The following METTL15 variants were observed in gnomAD, a reference collection of about 807,000 sequenced individuals.
The protein encoded by METTL15 is 12S rRNA N(4)-cytidine methyltransferase METTL15.
In METTL15, 34 loss-of-function variants were observed where a neutral mutation model predicts 38.3. The observed-to-expected ratio is 0.89, with a 90% CI of 0.68 to 1.18. The LOEUF is 1.18. METTL15 is among the 50% of genes most tolerant of loss of function. METTL15 has a pLI of 0.00. For missense variants in METTL15, 438 were observed against 498.4 expected, an observed-to-expected ratio of 0.88 and a Z score of 1.15; for synonymous variants, 162 against 170.9, an observed-to-expected ratio of 0.95 and a Z score of 0.41.
downstream of METTL15, among the ~76,000 whole-genome samples, chr11:28,531,192 A>G (rs983877823): frequency 2.0e-5 from 3 of 152,066 alleles, no homozygotes; most frequent in Non-Finnish European, 4.4e-5. Flanking sequence ...ATCTGATGCT[A>G]TCACTGCTAT....
intron 3 of METTL15, among the ~76,000 whole-genome samples, chr11:28,178,793 C>T (rs569016145): frequency 6.6e-6 from 1 of 151,332 alleles, no homozygotes; most frequent in Non-Finnish European, 1.5e-5. Context: ...AATATTTTAC[C>T]CAGTTTAAAA....
At chr11:28,315,943 C>T (rs1431124701) in intron 6 of METTL15, among the ~76,000 whole-genome samples, 1 of 152,218 alleles carries the variant, frequency 6.6e-6, no homozygotes, top group Admixed American at 6.5e-5. Context: ...TATGGAAACA[C>T]CTGCATGCCC....
At position 28,184,093 on chromosome 11, in the gene METTL15, C is replaced by G. The variant is rs757366874; in HGVS notation, c.271-26969C>G. Among the ~76,000 whole-genome samples, 4 of 152,048 alleles carry G rather than the reference C, an allele frequency of 2.6e-5. No homozygotes were observed. The South Asian group carries it at 6.2e-4, about 24-fold the overall frequency. On this transcript the variant is annotated intron_variant, in intron 3 of 6. Coordinates refer to ENST00000407364, the MANE Select transcript of METTL15 (RefSeq NM_001113528.2). ...ATGGTAGTTTGTATTTCTGTGGAAT[C>G]AGTGGTGATATCCCTCATATTATTT...
intron 6 of METTL15, among the ~76,000 whole-genome samples, chr11:28,521,644 C>T (rs1024002321): frequency 6.6e-6 from 1 of 152,078 alleles, no homozygotes; most frequent in Non-Finnish European, 1.5e-5. Flanking sequence ...TGGGCTCCCT[C>T]ATGCTCCACT....
intron 5 of METTL15, among the ~76,000 whole-genome samples, chr11:28,384,518 C>G (rs1014082062): frequency 5.9e-5 from 9 of 152,056 alleles, no homozygotes; most frequent in Admixed American, 6.5e-5. Flanking sequence ...CCATGTTGGC[C>G]AGGCTAGTCT....
At chr11:28,516,309 A>G (rs576346110) in intron 6 of METTL15, among the ~76,000 whole-genome samples, 1 of 152,268 alleles carries the variant, frequency 6.6e-6, no homozygotes, top group Non-Finnish European at 1.5e-5. Context: ...TGTTCTGCTT[A>G]AAAGACTTGG....
chr11:28,249,765 G>C (rs1467345772), intron 4 of METTL15, among the ~76,000 whole-genome samples: 1 of 151,734 alleles, frequency 6.6e-6, no homozygotes, highest in African/African-American at 2.4e-5. Context: ...ACACATGCAG[G>C]TTTGTTATAT....
At chr11:28,354,637 A>G (rs546866095) in intron 4 of METTL15, among the ~76,000 whole-genome samples, 1 of 152,260 alleles carries the variant, frequency 6.6e-6, no homozygotes, top group African/African-American at 2.4e-5. Flanking sequence ...ATTGTATCCT[A>G]CTTAGTTCAG....
chr11:28,405,375 T>C (rs890657868), intron 5 of METTL15, among the ~76,000 whole-genome samples: 1 of 152,172 alleles, frequency 6.6e-6, no homozygotes, highest in Non-Finnish European at 1.5e-5. Context: ...ATATGATCAT[T>C]AAACTTATTC....
chr11:28,142,281 C>G (rs972532206), intron 3 of METTL15, among the ~76,000 whole-genome samples: 2 of 152,038 alleles, frequency 1.3e-5, no homozygotes, highest in Non-Finnish European at 2.9e-5. Context: ...AAACAAAGAA[C>G]AAGAAGTGGA....
intron 3 of METTL15, among the ~76,000 whole-genome samples, chr11:28,148,619 A>G (rs1849971060): frequency 1.3e-5 from 2 of 151,956 alleles, no homozygotes; most frequent in South Asian, 4.1e-4. Flanking sequence ...TTACAAGAGA[A>G]CTTGTCTAAG....
chr11:28,140,141 G>A (rs555853090), intron 3 of METTL15, among the ~76,000 whole-genome samples: 41 of 152,318 alleles, frequency 2.7e-4, no homozygotes, highest in Non-Finnish European at 5.4e-4. Context: ...CCTTGGGGTG[G>A]GGGTGTGAGA....
chr11:28,283,053 C>T (rs1436395901), intron 4 of METTL15, among the ~76,000 whole-genome samples: 1 of 152,114 alleles, frequency 6.6e-6, no homozygotes, highest in East Asian at 1.9e-4. Flanking sequence ...GTATTCATTA[C>T]TGTGCTTGAG....
chr11:28,282,505 A>T (rs187829649), intron 4 of METTL15, among the ~76,000 whole-genome samples: 1 of 152,194 alleles, frequency 6.6e-6, no homozygotes, highest in Non-Finnish European at 1.5e-5. Flanking sequence ...TCTTTTCTGT[A>T]TGCATTCCTT....
rs547374488 is a variant in METTL15 at position 28,218,668 on chromosome 11, A to C, written c.407+7470A>C. ...CAAAGGGAATGCTTCCAGTTTTTGC[A>C]CATTCAGTATGATATTGGCTGTGGG... On this transcript the variant is annotated intron_variant, in intron 4 of 6. Transcript: ENST00000407364. Among the ~76,000 whole-genome samples the C allele has an allele frequency of 6.8e-4, 103 of 152,214 alleles. 2 individuals carry two copies. The South Asian group carries it at 9.1e-3, about 13-fold the overall frequency.
chr11:28,208,549 A>T (rs967207949), intron 3 of METTL15, among the ~76,000 whole-genome samples: 1 of 152,044 alleles, frequency 6.6e-6, no homozygotes, highest in African/African-American at 2.4e-5. Flanking sequence ...CAATTTTGGA[A>T]TAGGTGTGGT....
At chr11:28,361,698 A>G (rs1850140478) in intron 4 of METTL15, among the ~76,000 whole-genome samples, 1 of 152,232 alleles carries the variant, frequency 6.6e-6, no homozygotes, top group South Asian at 2.1e-4. Context: ...ACTGCCATTT[A>G]TTTAATAAAT....
chr11:28,525,268 G>C (rs4922806), intron 6 of METTL15, among the ~76,000 whole-genome samples: 68,931 of 151,970 alleles, frequency 0.45, 16,175 homozygotes, highest in Admixed American at 0.54. Flanking sequence ...CTGGCCCCAC[G>C]CACATCCTGC....
intron 3 of METTL15, 48 bp from the exon 4 acceptor site, chr11:28,211,014 A>C: frequency 6.4e-7 from 1 of 1,555,384 alleles, no homozygotes; most frequent in Non-Finnish European, 8.7e-7. Context: ...TGTCAAGAAT[A>C]AGTTTTGTTT....
Sources: gnomAD v4.1 joint callset for allele counts (sites outside exome capture counted in the v4.1 genomes callset) on GRCh38, gnomAD v4.1.1 for gene constraint, MANE v1.5 for transcripts, NCBI Gene and HGNC (gene_info 2026-07-23, HGNC 2026-07-21) for gene names.